ZNF385D: variants seen among roughly 807,000 people sequenced by gnomAD.
ZNF385D encodes zinc finger protein 659.
A neutral mutation model predicts 35.8 loss-of-function variants in ZNF385D; 15 were observed. That is an observed-to-expected ratio of 0.42 (90% confidence interval 0.28 to 0.64). The LOEUF is 0.64. Among genes scored for constraint, ZNF385D ranks in the 30% least tolerant of loss-of-function variants. The probability of loss-of-function intolerance (pLI) is 0.23; values close to 1 mark genes in which losing one functional copy is unlikely to be tolerated. For synonymous variants in ZNF385D, 212 were observed against 186.8 expected, an observed-to-expected ratio of 1.13 and a Z score of -1.10; for missense variants, 474 against 494.6, an observed-to-expected ratio of 0.96 and a Z score of 0.39.
intron 3 of ZNF385D, among the ~76,000 whole-genome samples, chr3:21,975,247 T>G (rs1703522525): frequency 6.6e-6 from 1 of 152,110 alleles, no homozygotes; most frequent in South Asian, 2.1e-4. Context: ...TAATATCCTG[T>G]CATTTACAAG....
intron 4 of ZNF385D, among the ~76,000 whole-genome samples, chr3:21,451,838 A>G (rs1032836903): frequency 2.0e-4 from 30 of 152,086 alleles, no homozygotes; most frequent in African/African-American, 6.8e-4. Context: ...GTCATTTGCT[A>G]GAATCATATA....
intron 3 of ZNF385D, among the ~76,000 whole-genome samples, chr3:22,148,183 T>G (rs1289238664): frequency 1.3e-5 from 2 of 152,192 alleles, no homozygotes; most frequent in African/African-American, 4.8e-5. Flanking sequence ...AATTTGTGCT[T>G]TGTAAATTTG....
intron 2 of ZNF385D, among the ~76,000 whole-genome samples, chr3:22,262,842 C>T (rs1700705629): frequency 6.6e-6 from 1 of 151,876 alleles, no homozygotes; most frequent in Non-Finnish European, 1.5e-5. Context: ...GGTCTTCGTC[C>T]CCTCTTCCCC....
intron 3 of ZNF385D, among the ~76,000 whole-genome samples, chr3:21,991,257 G>T (rs749992266): frequency 8.5e-5 from 13 of 152,286 alleles, no homozygotes; most frequent in Non-Finnish European, 1.8e-4. Context: ...TTCTGGCAAA[G>T]ATCGTTTCAT....
intron 3 of ZNF385D, among the ~76,000 whole-genome samples, chr3:21,917,461 C>G (rs553621057): frequency 3.3e-5 from 5 of 152,174 alleles, no homozygotes; most frequent in African/African-American, 4.8e-5. Context: ...TCTACCATTT[C>G]TAGAGAGAAT....
rs111616836 is a variant in ZNF385D at position 22,342,412 on chromosome 3, C to G, written c.106+30038G>C. On this transcript the variant is annotated intron_variant, in intron 2 of 5. Coordinates refer to the ZNF385D transcript ENST00000494108. ...CCTGTAGACTTACAATCAAGTTCTG[C>G]TAATTATTTACTTGTAAATTCTATG... Among the ~76,000 whole-genome samples the G allele has an allele frequency of 6.1e-4, 92 of 151,822 alleles. 2 individuals carry two copies. The highest frequency in any genetic ancestry group is 2.2e-3 in the African/African-American group (90 of 41,404).
At chr3:22,108,832 G>C (rs2125639932) in intron 3 of ZNF385D, among the ~76,000 whole-genome samples, 1 of 152,210 alleles carries the variant, frequency 6.6e-6, no homozygotes, top group Non-Finnish European at 1.5e-5. Context: ...GGCCAACATG[G>C]TGAAACCCTG....
At chr3:21,911,458 A>G (rs1166611834) in intron 3 of ZNF385D, among the ~76,000 whole-genome samples, 1 of 151,914 alleles carries the variant, frequency 6.6e-6, no homozygotes, top group Non-Finnish European at 1.5e-5. Flanking sequence ...CATCTATTAG[A>G]TATGTGACTC....
At chr3:21,843,995 T>A (rs938068555) in intron 3 of ZNF385D, among the ~76,000 whole-genome samples, 2 of 151,876 alleles carry the variant, frequency 1.3e-5, no homozygotes, top group Non-Finnish European at 2.9e-5. Flanking sequence ...TAAAATAACA[T>A]AGCAAGTAAT....
intron 3 of ZNF385D, among the ~76,000 whole-genome samples, chr3:21,898,659 T>C (rs1227650157): frequency 1.3e-5 from 2 of 152,118 alleles, no homozygotes; most frequent in Non-Finnish European, 2.9e-5. Context: ...ACAAGCCAAC[T>C]AAAGATTACA....
intron 3 of ZNF385D, among the ~76,000 whole-genome samples, chr3:21,998,318 A>G (rs370912674): frequency 3.9e-5 from 6 of 152,198 alleles, no homozygotes; most frequent in African/African-American, 1.4e-4. Flanking sequence ...GCTCTAATAC[A>G]TTTGGTTTCT....
chr3:21,471,866 T>A (rs1703919386), intron 4 of ZNF385D, among the ~76,000 whole-genome samples: 1 of 151,934 alleles, frequency 6.6e-6, no homozygotes, highest in Admixed American at 6.6e-5. Context: ...GTTATGTTTA[T>A]CTTCATTGGA....
At chr3:21,921,124 G>C (rs1700438460) in intron 3 of ZNF385D, among the ~76,000 whole-genome samples, 1 of 151,012 alleles carries the variant, frequency 6.6e-6, no homozygotes, top group Non-Finnish European at 1.5e-5. Flanking sequence ...TCGGGAGGCT[G>C]AGGCAGGAGA....
chr3:21,752,007 A>ACCCCCCCCCCCCC (rs71044940), upstream of ZNF385D, among the ~76,000 whole-genome samples: 1 of 88,584 alleles, frequency 1.1e-5, no homozygotes, highest in African/African-American at 4.9e-5. Context: ...ACACACACCC[A>ACCCCCCCCCCCCC]CCCCCCTCCC....
chr3:21,561,484 C>T (rs955861784), intron 3 of ZNF385D, among the ~76,000 whole-genome samples: 3 of 152,188 alleles, frequency 2.0e-5, no homozygotes, highest in Non-Finnish European at 4.4e-5. Context: ...ACCCACTGTC[C>T]AACCAGTCCC....
chr3:22,087,941 G>T (rs1453279184), intron 3 of ZNF385D, among the ~76,000 whole-genome samples: 1 of 152,102 alleles, frequency 6.6e-6, no homozygotes, highest in Non-Finnish European at 1.5e-5. Context: ...CTAATTTTCT[G>T]CCAGTGTCAT....
intron 4 of ZNF385D, among the ~76,000 whole-genome samples, chr3:21,463,704 C>T (rs887890159): frequency 1.2e-4 from 18 of 152,202 alleles, no homozygotes; most frequent in African/African-American, 3.1e-4. Context: ...TGATTACATT[C>T]CAGCCCAAAT....
chr3:21,948,019 ATAAT>A (rs927216353), intron 3 of ZNF385D, among the ~76,000 whole-genome samples: 2 of 152,222 alleles, frequency 1.3e-5, no homozygotes, highest in African/African-American at 4.8e-5. Context: ...TGCTGCCATT[ATAAT>A]TAATTTTCAT....
At chr3:21,461,685 A>T (rs1486167474) in intron 4 of ZNF385D, among the ~76,000 whole-genome samples, 1 of 152,254 alleles carries the variant, frequency 6.6e-6, no homozygotes, top group African/African-American at 2.4e-5. Context: ...GTTAAATAGT[A>T]ACTTAATTGC....
Sources: gnomAD v4.1 joint callset for allele counts (sites outside exome capture counted in the v4.1 genomes callset) on GRCh38, gnomAD v4.1.1 for gene constraint, MANE v1.5 for transcripts, NCBI Gene and HGNC (gene_info 2026-07-23, HGNC 2026-07-21) for gene names.